The following KMO variants were observed in gnomAD, a reference collection of about 807,000 sequenced individuals.
KMO encodes the protein kynurenine 3-hydroxylase.
KMO carries 24 observed loss-of-function variants against 57.8 expected under a neutral mutation model. The ratio of observed to expected loss-of-function variants is 0.42; its 90% CI spans 0.30 to 0.58. The LOEUF is 0.58. KMO is among the 20% of genes least tolerant of loss of function. The pLI is 0.22. For synonymous variants in KMO, 210 were observed against 193.6 expected (o/e 1.08, Z -0.70); for missense variants, 483 against 588.2 (o/e 0.82, Z 1.85).
At position 241,593,969 on chromosome 1, in the gene KMO, T is replaced by G. The variant is rs1163372588; in HGVS notation, c.*1816T>G. 1 of 155,304 alleles carries G rather than the reference T, an allele frequency of 6.4e-6. No individual in the cohort carries two copies. The highest frequency in any genetic ancestry group is 2.4e-5 in the African/African-American group (1 of 41,470). The allele number at this position is 155,304 out of a possible 1,614,324, so 9.6% of individuals were successfully genotyped here. ...TCTTTTTCATTCTAGAATTATCTCCTTGATAACTTGATCAGATATAGGACA... is the reference window on the plus strand; with the variant it reads ...TCTTTTTCATTCTAGAATTATCTCCGTGATAACTTGATCAGATATAGGACA... On this transcript the variant is annotated 3_prime_UTR_variant, in exon 15 of 15. Transcript: ENST00000366559.
intron 10 of KMO, among the ~76,000 whole-genome samples, chr1:241,583,352 C>G (rs1020804104): frequency 6.6e-6 from 1 of 152,162 alleles, no homozygotes; most frequent in Admixed American, 6.5e-5. Flanking sequence ...GGTGGTGAAC[C>G]CTGCCAGGAC....
intron 10 of KMO, among the ~76,000 whole-genome samples, chr1:241,579,659 C>T (rs1378946852): frequency 1.3e-5 from 2 of 152,090 alleles, no homozygotes; most frequent in Non-Finnish European, 2.9e-5. Flanking sequence ...AGGCCATAAG[C>T]CTTCTCCTCA....
chr1:241,549,260 A>AAAGTCG (rs1661293981), intron 2 of KMO, among the ~76,000 whole-genome samples: 1 of 139,040 alleles, frequency 7.2e-6, no homozygotes. Flanking sequence ...AAAGAAAGAA[A>AAAGTCG]GAAAGAAAGG....
intron 10 of KMO, among the ~76,000 whole-genome samples, chr1:241,573,944 C>T (rs1485715776): frequency 2.0e-5 from 3 of 152,044 alleles, no homozygotes; most frequent in Non-Finnish European, 2.9e-5. Flanking sequence ...TGATTTCTTT[C>T]AGCAGTGTTT....
rs1662024305 is a variant in KMO at position 241,565,061 on chromosome 1, A to G, written c.687+3A>G. On this transcript the variant is annotated splice_donor_region_variant and intron_variant, in intron 8 of 14. Coordinates refer to ENST00000366559, the MANE Select transcript of KMO (RefSeq NM_003679.5). The stretch of plus-strand genomic sequence containing the variant: ...TGATGATTGCACTTCCTAACATGGT[A>G]GTATAGAATTTTTTATCAACTGTAA... 9.6e-6 allele frequency: 15 copies of G among 1,555,638 alleles called. No homozygotes were observed. Among genetic ancestry groups the G allele is most frequent in the Non-Finnish European group, 1.3e-5 (15 of 1,128,970 alleles).
At position 241,592,208 on chromosome 1, in the gene KMO, T is replaced by A; in HGVS notation, c.*55T>A. The A allele has an allele frequency of 1.5e-5, 21 of 1,355,572 alleles. No homozygotes were observed. Among genetic ancestry groups the A allele is most frequent in the Admixed American group, 7.5e-5 (4 of 53,440 alleles). 84.0% of individuals were successfully genotyped at this position (1,355,572 alleles called of 1,614,324 possible). A position where few individuals can be genotyped will look rare whatever the true frequency, so the allele number is the denominator to read the frequency against. Reference sequence around the variant, plus strand: ...ATTTCTCTGTGACCAAAATTAAGCATGAAAAAAATGTTTCCATTGCCATAT... The same window carrying A: ...ATTTCTCTGTGACCAAAATTAAGCAAGAAAAAAATGTTTCCATTGCCATAT... On this transcript the variant is annotated 3_prime_UTR_variant, in exon 15 of 15. Transcript: ENST00000366559.
At chr1:241,581,147 C>T (rs534114285) in intron 10 of KMO, among the ~76,000 whole-genome samples, 2 of 152,180 alleles carry the variant, frequency 1.3e-5, no homozygotes, top group East Asian at 3.9e-4. Flanking sequence ...ATAGCAACTC[C>T]TGCTCTTTTA....
chr1:241,586,191 CT>C (rs386370217), intron 10 of KMO, among the ~76,000 whole-genome samples: 2,030 of 80,030 alleles, frequency 0.025, 9 homozygotes, highest in African/African-American at 0.065. Flanking sequence ...AGTCTATGGT[CT>C]TTTTTTTTTT....
intron 1 of KMO, among the ~76,000 whole-genome samples, chr1:241,548,361 G>A (rs1319129032): frequency 1.3e-5 from 2 of 152,088 alleles, no homozygotes; most frequent in South Asian, 4.2e-4. Flanking sequence ...AGCAAGAATG[G>A]GTTATCACAG....
In KMO at chr1:241,589,948, T is replaced by C. The variant is rs191111728; in HGVS notation, c.1099-64T>C. 3.2e-5 allele frequency: 39 copies of C among 1,217,640 alleles called. 1 individual carries two copies. The East Asian group carries it at 8.9e-4, about 28-fold the overall frequency. 75.4% of individuals were successfully genotyped at this position (1,217,640 alleles called of 1,614,324 possible). A position where few individuals can be genotyped will look rare whatever the true frequency, so the allele number is the denominator to read the frequency against. On this transcript the variant is annotated intron_variant, in intron 12 of 14. Coordinates refer to ENST00000366559, the MANE Select transcript of KMO (RefSeq NM_003679.5). ...GATGAGTGGGAATGAAGAATAATACTAAGTCGCAGTGAGAAATAGCTGTAT... is the reference window on the plus strand; with the variant it reads ...GATGAGTGGGAATGAAGAATAATACCAAGTCGCAGTGAGAAATAGCTGTAT...
intron 5 of KMO, among the ~76,000 whole-genome samples, chr1:241,556,655 G>A (rs931506320): frequency 1.3e-5 from 2 of 152,140 alleles, no homozygotes; most frequent in Non-Finnish European, 2.9e-5. Context: ...CGAGGCAGGC[G>A]GATCACAAGG....
Position 241,588,729 on chromosome 1 carries a change from T to C in KMO, c.1016-19T>C, listed in dbSNP as rs1289374075. The stretch of plus-strand genomic sequence containing the variant: ...ATTTTTATAGAAGGTTTTGGAAAGA[T>C]GTATTATTTAACTTACAGGTTTGTG... On this transcript the variant is annotated intron_variant, in intron 11 of 14. Coordinates refer to ENST00000366559, the MANE Select transcript of KMO (RefSeq NM_003679.5). The C allele has an allele frequency of 9.5e-6, 15 of 1,576,362 alleles. No individual in the cohort carries two copies. The highest frequency in any genetic ancestry group is 2.2e-5 in the South Asian group (2 of 90,358).
chr1:241,574,804 T>C (rs1290165120), intron 10 of KMO, among the ~76,000 whole-genome samples: 2 of 152,054 alleles, frequency 1.3e-5, no homozygotes, highest in African/African-American at 4.8e-5. Flanking sequence ...GAGAATTCCC[T>C]CTGTCTCAAT....
chr1:241,559,225 A>T (rs1203725917), intron 5 of KMO, among the ~76,000 whole-genome samples: 1 of 152,180 alleles, frequency 6.6e-6, no homozygotes, highest in Non-Finnish European at 1.5e-5. Flanking sequence ...CCAAAATCCC[A>T]TACAGGCAAC....
rs900926670 is a variant in KMO at position 241,593,753 on chromosome 1, A to C, written c.*1600A>C. ...CAAAGAACAGTAAATTTTTAGAGAA[A>C]CAACAAAACAAAGAAAAAGAGCTTT... On this transcript the variant is annotated 3_prime_UTR_variant, in exon 15 of 15. Transcript: ENST00000366559. 6.5e-6 allele frequency: 1 copy of C among 154,490 alleles called. No homozygotes were observed. Among genetic ancestry groups the C allele is most frequent in the Non-Finnish European group, 1.4e-5 (1 of 69,524 alleles). The allele number at this position is 154,490 out of a possible 1,614,324, so 9.6% of individuals were successfully genotyped here.
intron 4 of KMO, among the ~76,000 whole-genome samples, chr1:241,552,019 G>A (rs933984070): frequency 6.6e-6 from 1 of 151,536 alleles, no homozygotes; most frequent in South Asian, 2.1e-4. Context: ...GGAAGGCCAA[G>A]TCATCATAGC....
intron 7 of KMO, among the ~76,000 whole-genome samples, chr1:241,563,162 A>G (rs888637553): frequency 2.0e-5 from 3 of 152,162 alleles, no homozygotes; most frequent in African/African-American, 7.2e-5. Context: ...AGTGATTTCT[A>G]TTGTGTTTTT....
rs1173034504 is a variant in KMO at position 241,581,701 on chromosome 1, TTGTCTCTATATATATCTTTTTATAC to T, written c.958-4969_958-4945del. 9.2e-5 allele frequency among the ~76,000 whole-genome samples: 14 copies of T among 152,262 alleles called. No homozygotes were observed. The South Asian group carries it at 2.9e-3, about 32-fold the overall frequency. The stretch of plus-strand genomic sequence containing the variant: ...ATCCCCCTGGCATTTTGACATTTTG[TTGTCTCTATATATATCTTTTTATAC>T]TGTCTCTAAAAAGTTCTTGTAATTA... On this transcript the variant is annotated intron_variant, in intron 10 of 14. Coordinates refer to ENST00000366559, the MANE Select transcript of KMO (RefSeq NM_003679.5).
intron 4 of KMO, among the ~76,000 whole-genome samples, chr1:241,553,276 T>C (rs909662251): frequency 2.0e-5 from 3 of 152,212 alleles, no homozygotes; most frequent in African/African-American, 7.2e-5. Flanking sequence ...TATAATACTG[T>C]CCAAAGATAT....
Sources: allele counts gnomAD v4.1 joint callset (sites outside exome capture counted in the v4.1 genomes callset), GRCh38; gene constraint gnomAD v4.1.1; transcripts MANE v1.5; gene names NCBI Gene and HGNC (gene_info 2026-07-23, HGNC 2026-07-21).